The following CPM variants were observed in gnomAD, a reference collection of about 807,000 sequenced individuals.
CPM encodes the protein carboxypeptidase M.
CPM carries 35 observed loss-of-function variants against 46.4 expected under a neutral mutation model. That is an observed-to-expected ratio of 0.75 (90% confidence interval 0.58 to 1.00). The LOEUF is 1.00. Among genes scored for constraint, CPM ranks in the 50% least tolerant of loss-of-function variants. CPM has a pLI of 0.00. For missense variants in CPM, 422 were observed against 530.4 expected, an observed-to-expected ratio of 0.80 and a Z score of 2.01; for synonymous variants, 195 against 195.3, an observed-to-expected ratio of 1.00 and a Z score of 0.01.
At chr12:68,943,222 C>T (rs1333041906) in intron 1 of CPM, among the ~76,000 whole-genome samples, 3 of 152,176 alleles carry the variant, frequency 2.0e-5, no homozygotes, top group Non-Finnish European at 4.4e-5. Flanking sequence ...CCTCTTGGTG[C>T]ATTCATGTCC....
At chr12:68,941,662 A>C (rs958412043) in intron 1 of CPM, among the ~76,000 whole-genome samples, 21 of 152,202 alleles carry the variant, frequency 1.4e-4, no homozygotes, top group African/African-American at 5.1e-4. Context: ...AAATTTCACA[A>C]GTAGAATATA....
At chr12:68,960,598 G>C (rs1322694574) in intron 1 of CPM, among the ~76,000 whole-genome samples, 1 of 152,170 alleles carries the variant, frequency 6.6e-6, no homozygotes. Flanking sequence ...CATATTTTGA[G>C]ATCAGTGACC....
rs7978197 is a variant in CPM, at chr12:68,932,767, C to T, written c.71G>A (p.Arg24His). The T allele has an allele frequency of 0.042, 68,561 of 1,613,998 alleles. 10,580 individuals are homozygous for T. In the African/African-American group the frequency reaches 0.51, roughly 12 times the overall value. ...LVAALDFNYH[R>H]QEGMEAFLKT... is the part of the protein sequence containing the mutation. ...CAAAAACGCTTCCATCCCTTCCTGG[C>T]GGTGGTAGTTGAAATCCAGCGCAGC... is the stretch of plus-strand genomic sequence containing the variant. The change falls in exon 2 of 9, where the codon CGC becomes CAC. Residue 24 changes from arginine (R) to histidine (H), a missense_variant. Transcript: ENST00000551568.
chr12:68,844,705 G>A (rs1428761550), intron 5 of CPM: 7 of 219,974 alleles, frequency 3.2e-5, no homozygotes, highest in African/African-American at 1.3e-4. Context: ...TAAGCCAGAC[G>A]GGGACTAGCT....
chr12:68,892,101 G>C (rs567317825), intron 2 of CPM, among the ~76,000 whole-genome samples: 1 of 152,204 alleles, frequency 6.6e-6, no homozygotes, highest in Non-Finnish European at 1.5e-5. Context: ...AAGAACCACT[G>C]TAACAAAGGA....
intron 7 of CPM, among the ~76,000 whole-genome samples, chr12:68,864,970 G>C (rs1236558014): frequency 6.6e-6 from 1 of 152,170 alleles, no homozygotes; most frequent in Non-Finnish European, 1.5e-5. Flanking sequence ...GGCAATGACT[G>C]TGCCACTGTA....
At chr12:68,913,709 T>C in intron 2 of CPM, 1 of 368,556 alleles carries the variant, frequency 2.7e-6, no homozygotes, top group Non-Finnish European at 5.2e-6. Flanking sequence ...CAAAGGTTCC[T>C]GGTCAATGTG....
intron 8 of CPM, 132 bp from the exon 9 acceptor site, chr12:68,856,811 C>A (rs920482628): frequency 8.3e-7 from 1 of 1,204,230 alleles, no homozygotes; most frequent in Admixed American, 2.4e-5. Flanking sequence ...GACCTCTGGG[C>A]CAGCAACAGA....
rs1323068545 is a variant in CPM at position 68,853,280 on chromosome 12, TA to T, written c.*3156del. 6.6e-6 allele frequency: 1 copy of T among 152,232 alleles called. No individual in the cohort carries two copies. The highest frequency in any genetic ancestry group is 1.5e-5 in the Non-Finnish European group (1 of 68,042). The allele number at this position is 152,232 out of a possible 1,614,324, so 9.4% of individuals were successfully genotyped here. A position where few individuals can be genotyped will look rare whatever the true frequency, so the allele number is the denominator to read the frequency against. On this transcript the variant is annotated 3_prime_UTR_variant, in exon 9 of 9. Transcript: ENST00000551568. The stretch of plus-strand genomic sequence containing the variant: ...CTTGATAGCAAATCAAGTTTCATCT[TA>T]TATACTTTTAATTTGTAATATACCA...
intron 2 of CPM, among the ~76,000 whole-genome samples, chr12:68,912,376 G>A (rs888963152): frequency 5.3e-5 from 8 of 152,084 alleles, no homozygotes; most frequent in African/African-American, 1.9e-4. Context: ...TCCCTATTCT[G>A]ATAGCTCCTC....
At chr12:68,859,831 A>G (rs1199053079) in intron 7 of CPM, among the ~76,000 whole-genome samples, 1 of 152,236 alleles carries the variant, frequency 6.6e-6, no homozygotes, top group African/African-American at 2.4e-5. Context: ...CAATTTTTAA[A>G]AAGCCATTTA....
chr12:68,877,262 T>G (rs1301760667), intron 3 of CPM, among the ~76,000 whole-genome samples: 1 of 152,196 alleles, frequency 6.6e-6, no homozygotes, highest in African/African-American at 2.4e-5. Flanking sequence ...AGCCCCGAAG[T>G]CAGGGACCTT....
At chr12:68,940,975 T>G (rs1007935357) in intron 1 of CPM, among the ~76,000 whole-genome samples, 1 of 152,188 alleles carries the variant, frequency 6.6e-6, no homozygotes, top group Admixed American at 6.5e-5. Context: ...CTATACCCAC[T>G]GAACAACAAC....
chr12:68,889,355 G>A (rs1331616354), intron 2 of CPM, among the ~76,000 whole-genome samples: 3 of 152,080 alleles, frequency 2.0e-5, no homozygotes, highest in African/African-American at 7.2e-5. Context: ...ATTGTTAGGT[G>A]TCCAATGATA....
At chr12:68,961,122 G>C (rs1035251617) in intron 1 of CPM, among the ~76,000 whole-genome samples, 70 of 152,240 alleles carry the variant, frequency 4.6e-4, no homozygotes, top group African/African-American at 1.6e-3. Context: ...GAAGAGTCAT[G>C]AGAAAAATAA....
chr12:68,873,296 C>T (rs1417706695), intron 3 of CPM, among the ~76,000 whole-genome samples: 1 of 152,220 alleles, frequency 6.6e-6, no homozygotes, highest in Admixed American at 6.5e-5. Flanking sequence ...ATGACCACTT[C>T]TCACTTGATT....
intron 2 of CPM, among the ~76,000 whole-genome samples, chr12:68,903,879 ATTCT>A (rs59823463): frequency 1.3e-3 from 177 of 139,996 alleles, no homozygotes; most frequent in Admixed American, 8.2e-3. Flanking sequence ...CCTTTCTCTC[ATTCT>A]TTCTTTCTTT....
At position 68,870,255 on chromosome 12, in the gene CPM, A is replaced by T; in HGVS notation, c.576T>A (p.Gly192=). The T allele has an allele frequency of 6.2e-7, 1 of 1,614,174 alleles. No homozygotes were observed. Among genetic ancestry groups the T allele is most frequent in the African/African-American group, 1.3e-5 (1 of 75,064 alleles). Residue 192 remains glycine, a synonymous_variant, in exon 5 of 9, where the codon GGT becomes GGA. Transcript: ENST00000551568. Reference sequence around the variant, plus strand: ...CAAATGGGTAACTGGCCACGAGGGCACCACCATGGAGGTTTGCAGAGAGGA... The same window carrying T: ...CAAATGGGTAACTGGCCACGAGGGCTCCACCATGGAGGTTTGCAGAGAGGA... ...TFVLSANLHG[G]ALVASYPFDN...
intron 6 of CPM, 25 bp downstream of exon 6, chr12:68,869,300 A>G: frequency 6.2e-7 from 1 of 1,604,856 alleles, no homozygotes; most frequent in South Asian, 1.1e-5. Context: ...AATAAGGAGA[A>G]TGGAAGAAAT....
Sources: gnomAD v4.1 joint callset for allele counts (sites outside exome capture counted in the v4.1 genomes callset) on GRCh38, gnomAD v4.1.1 for gene constraint, MANE v1.5 for transcripts, NCBI Gene and HGNC (gene_info 2026-07-23, HGNC 2026-07-21) for gene names.